The following MSLN variants were observed in gnomAD, a reference collection of about 807,000 sequenced individuals.
MSLN encodes the protein mesothelin.
A neutral mutation model predicts 72.6 loss-of-function variants in MSLN; 82 were observed. The ratio of observed to expected loss-of-function variants is 1.13; its 90% confidence interval spans 0.94 to 1.36. The LOEUF is 1.36. Among genes scored for constraint, MSLN ranks in the 40% most tolerant of loss-of-function variants. The pLI is 0.00. For synonymous variants in MSLN, 456 were observed against 387.3 expected (o/e 1.18, Z -2.08); for missense variants, 1,005 against 847.9 (o/e 1.19, Z -2.30).
At chr16:761,581 A>T (rs933859816) in intron 2 of MSLN, among the ~76,000 whole-genome samples, 1 of 152,058 alleles carries the variant, frequency 6.6e-6, no homozygotes, top group African/African-American at 2.4e-5. Flanking sequence ...TCCTGGCTTC[A>T]CGCACCCCAA....
Position 766,412 on chromosome 16 carries a change from T to G in MSLN, c.1152T>G (p.Ile384Met). The change falls in exon 13 of 18, where the codon ATT becomes ATG. Residue 384 changes from isoleucine to methionine, a missense_variant. Coordinates refer to ENST00000545450, the MANE Select transcript of MSLN (RefSeq NM_005823.6). The part of the protein sequence containing the change: ...YLFLKMSPED[I>M]RKWNVTSLET... ...TCCTCAAGATGAGCCCTGAGGACAT[T>G]CGCAAGTGGAATGTGACGTCCCTGG... is the stretch of plus-strand genomic sequence containing the variant. 6.2e-7 allele frequency: 1 copy of G among 1,612,666 alleles called. No homozygotes were observed. Among genetic ancestry groups the G allele is most frequent in the Non-Finnish European group, 8.5e-7 (1 of 1,179,906 alleles).
In MSLN at chr16:765,617, G is replaced by T; in HGVS notation, c.795G>T (p.Gln265His). ...AGCCCATCATCCGCAGCATCCCGCA[G>T]GTGAGACCCCAATCCCCAGCCCGTG... ...LGQPIIRSIP[Q>H]GIVAAWRQRS... Residue 265 changes from glutamine to histidine, a missense_variant and splice_region_variant, in exon 10 of 18, where the codon CAG becomes CAT. Gln to His is a conservative substitution (Grantham distance 24). Transcript: ENST00000545450. 1 of 1,602,688 alleles carries T rather than the reference G, an allele frequency of 6.2e-7. No individual in the cohort carries two copies.
chr16:765,928 T>G (rs2151616188), intron 11 of MSLN, 131 bp from the exon 12 acceptor site: 3 of 1,317,106 alleles, frequency 2.3e-6, no homozygotes, highest in Non-Finnish European at 3.1e-6. Context: ...ACAGAATCCC[T>G]GTTTGCCAGT....
intron 2 of MSLN, among the ~76,000 whole-genome samples, chr16:761,454 G>A (rs1344744739): frequency 6.6e-6 from 1 of 152,242 alleles, no homozygotes; most frequent in African/African-American, 2.4e-5. Flanking sequence ...AGGCCCCTCA[G>A]AGCAGGAAGG....
At chr16:763,984 AGG>A in intron 5 of MSLN, 37 bp from the exon 6 acceptor site, 1 of 1,590,214 alleles carries the variant, frequency 6.3e-7, no homozygotes, top group Non-Finnish European at 8.5e-7. Flanking sequence ...ATTGCAGGGG[AGG>A]GGCGATCGTG....
chr16:765,147 G>C lies in MSLN; in HGVS notation c.548G>C (p.Arg183Pro). Residue 183 changes from arginine to proline, a missense_variant, in exon 9 of 18, where the codon CGG becomes CCG. Arg to Pro is a moderately radical substitution (Grantham distance 103). Transcript: ENST00000545450. ...RGSLLSEADVRALGGLACDLP... is the reference protein window; with the variant it reads ...RGSLLSEADVPALGGLACDLP... ...TCTCTGCTGAGCGAGGCTGATGTGCGGGCTCTGGGAGGCCTGGCTTGCGAC... is the reference window on the plus strand; with the variant it reads ...TCTCTGCTGAGCGAGGCTGATGTGCCGGCTCTGGGAGGCCTGGCTTGCGAC... 2 of 1,603,622 alleles carry C rather than the reference G, an allele frequency of 1.2e-6. No individual in the cohort carries two copies. Among genetic ancestry groups the C allele is most frequent in the Non-Finnish European group, 8.5e-7 (1 of 1,178,784 alleles).
chr16:761,521 C>T (rs1290643201), intron 2 of MSLN, among the ~76,000 whole-genome samples: 1 of 152,228 alleles, frequency 6.6e-6, no homozygotes, highest in East Asian at 1.9e-4. Flanking sequence ...TCACATGGAG[C>T]TGGGGTGGGG....
intron 11 of MSLN, 83 bp from the exon 12 acceptor site, chr16:765,976 G>A (rs769827492): frequency 4.1e-5 from 59 of 1,445,150 alleles, no homozygotes; most frequent in South Asian, 1.2e-4. Context: ...CAAATGGCCC[G>A]AGGTCTCATC....
At position 765,843 on chromosome 16, in the gene MSLN, G is replaced by A. The variant is rs2041600453; in HGVS notation, c.895+53G>A. The A allele has an allele frequency of 8.4e-6, 13 of 1,538,992 alleles. No individual in the cohort carries two copies. In the Admixed American group the frequency reaches 1.5e-4, roughly 17 times the overall value. On this transcript the variant is annotated intron_variant, in intron 11 of 17. Transcript: ENST00000545450. ...CACCAGGCTGGGCAGCACCCCTGGG[G>A]GTGGGCATCACTTTAGGGTCTCACC...
chr16:765,002 G>T lies in MSLN; in HGVS notation c.476G>T (p.Arg159Leu). The part of the protein sequence containing the change: ...VDLLPRGAPE[R>L]QRLLPAALAC... ...CTGCTCCCGAGGGGGGCTCCCGAGCGACAGCGGCTGCTGCCTGCGGCTCTG... is the reference window on the plus strand; with the variant it reads ...CTGCTCCCGAGGGGGGCTCCCGAGCTACAGCGGCTGCTGCCTGCGGCTCTG... The change falls in exon 8 of 18, where the codon CGA (arginine) becomes CTA (leucine). Residue 159 changes from arginine (R) to leucine (L), a missense_variant. Physicochemically the swap from Arg to Leu is moderately radical, Grantham distance 102. Coordinates refer to ENST00000545450, the MANE Select transcript of MSLN (RefSeq NM_005823.6). 1 of 1,611,542 alleles carries T rather than the reference G, an allele frequency of 6.2e-7. No individual in the cohort carries two copies.
chr16:764,090 C>G lies in MSLN; in HGVS notation c.247C>G (p.Arg83Gly). 1 of 1,606,586 alleles carries G rather than the reference C, an allele frequency of 6.2e-7. No individual in the cohort carries two copies. The change falls in exon 6 of 18, where the codon CGG (arginine) becomes GGG (glycine). Residue 83 changes from arginine to glycine, a missense_variant. Transcript: ENST00000545450. ...GTCCGGCCTGAGCACGGAGCGTGTC[C>G]GGGAGCTGGCTGTGGCCTTGGCACA... ...EVSGLSTERV[R>G]ELAVALAQKN...
At chr16:768,018 G>A (rs1345075074) in intron 16 of MSLN, among the ~76,000 whole-genome samples, 2 of 63,666 alleles carry the variant, frequency 3.1e-5, no homozygotes, top group Non-Finnish European at 2.8e-5. Context: ...GGGCGCATGG[G>A]GGGGTGTGGA....
intron 4 of MSLN, 144 bp downstream of exon 4, chr16:763,420 C>A (rs2151614025): frequency 3.4e-6 from 3 of 879,248 alleles, no homozygotes; most frequent in South Asian, 3.2e-5. Context: ...CTGCATGTGA[C>A]TGGCCTGGGA....
Position 762,694 on chromosome 16 carries a change from C to T in MSLN, c.14C>T (p.Thr5Met), listed in dbSNP as rs758124837. The change falls in exon 3 of 18, where the codon ACG (threonine) becomes ATG (methionine). Residue 5 changes from threonine (T) to methionine (M), a missense_variant. Thr to Met is a moderately conservative substitution (Grantham distance 81). Transcript: ENST00000545450. Reference protein sequence around the residue: MALPTARPLLGSCGT... With the variant: MALPMARPLLGSCGT... ...CAGACACAGACCATGGCCTTGCCAA[C>T]GGCTCGACCCCTGTTGGGGTCCTGT... 189 of 1,611,582 alleles carry T rather than the reference C, an allele frequency of 1.2e-4. No individual in the cohort carries two copies. The highest frequency in any genetic ancestry group is 1.5e-4 in the Non-Finnish European group (176 of 1,179,336).
At position 766,655 on chromosome 16, in the gene MSLN, G is replaced by A; in HGVS notation, c.1231-13G>A. 1 of 1,612,242 alleles carries A rather than the reference G, an allele frequency of 6.2e-7. No homozygotes were observed. The highest frequency in any genetic ancestry group is 8.5e-7 in the Non-Finnish European group (1 of 1,179,818). The stretch of plus-strand genomic sequence containing the variant: ...CTCCTTGCCACAAGGCTCCTCGGCG[G>A]CCCCTCCCACAGGTGGCCACCCTGA... On this transcript the variant is annotated splice_polypyrimidine_tract_variant and intron_variant, in intron 13 of 17. Transcript: ENST00000545450.
At position 767,308 on chromosome 16, in the gene MSLN, C is replaced by T. The variant is rs963550849; in HGVS notation, c.1502-68C>T. On this transcript the variant is annotated intron_variant, in intron 15 of 17. Transcript: ENST00000545450. ...CCCTGTAAGGCAAGTGGGCTTCCTG[C>T]AGCCTGTGGTCAAGGGCCTGGGGGT... The T allele has an allele frequency of 6.3e-6, 9 of 1,419,050 alleles. No homozygotes were observed. The African/African-American group carries it at 7.1e-5, about 11-fold the overall frequency. The allele number at this position is 1,419,050 out of a possible 1,614,324, so 87.9% of individuals were successfully genotyped here.
In MSLN at chr16:761,687, C is replaced by T. The variant is rs186880661; in HGVS notation, c.-10+513C>T. Among the ~76,000 whole-genome samples the T allele has an allele frequency of 2.3e-3, 353 of 152,320 alleles. 4 individuals are homozygous for T. The highest frequency in any genetic ancestry group is 1.5e-3 in the Non-Finnish European group (100 of 68,024). ...GTGTTCAGAGCCTCAGGGGCCTCCC[C>T]ACTTCCTCTGGGGCCTGGGGGAGTA... On this transcript the variant is annotated intron_variant, in intron 2 of 17. Transcript: ENST00000545450.
intron 2 of MSLN, among the ~76,000 whole-genome samples, chr16:762,016 A>G (rs1213398550): frequency 6.7e-6 from 1 of 150,160 alleles, no homozygotes; most frequent in East Asian, 2.0e-4. Flanking sequence ...TCCCCACCCC[A>G]CAGTGGCCCA....
Position 766,110 on chromosome 16 carries a change from T to C in MSLN, c.947T>C (p.Ile316Thr), listed in dbSNP as rs1291674565. The C allele has an allele frequency of 6.2e-7, 1 of 1,612,690 alleles. No individual in the cohort carries two copies. Among genetic ancestry groups the C allele is most frequent in the Non-Finnish European group, 8.5e-7 (1 of 1,179,872 alleles). The change falls in exon 12 of 18, where the codon ATC becomes ACC. Residue 316 changes from isoleucine to threonine, a missense_variant. Ile to Thr is a moderately conservative substitution (Grantham distance 89). Transcript: ENST00000545450. ...GCCCGCGAGATAGACGAGAGCCTCA[T>C]CTTCTACAAGAAGTGGGAGCTGGAA... ...KKAREIDESL[I>T]FYKKWELEAC...
Sources: gnomAD v4.1 joint callset for allele counts (sites outside exome capture counted in the v4.1 genomes callset) on GRCh38, gnomAD v4.1.1 for gene constraint, MANE v1.5 for transcripts, NCBI Gene and HGNC (gene_info 2026-07-23, HGNC 2026-07-21) for gene names.